SYNE2: variants seen among roughly 807,000 people sequenced by gnomAD.
SYNE2 encodes the protein spectrin repeat containing nuclear envelope protein 2.
SYNE2 carries 431 observed loss-of-function variants against 856.3 expected under a neutral mutation model. The observed-to-expected ratio is 0.50, with a 90% confidence interval of 0.47 to 0.55. SYNE2 has a LOEUF of 0.55. Ranked by LOEUF, SYNE2 falls within the 20% of genes least tolerant of loss-of-function variation. The pLI is 0.00. For missense variants in SYNE2, 8,129 were observed against 8,023.2 expected (o/e 1.01, Z -0.50); for synonymous variants, 2,923 against 2,872.3 (o/e 1.02, Z -0.56).
chr14:64,092,850 G>A (rs1275390401), intron 60 of SYNE2, among the ~76,000 whole-genome samples: 1 of 152,166 alleles, frequency 6.6e-6, no homozygotes, highest in Non-Finnish European at 1.5e-5. Flanking sequence ...CTGATCCCAA[G>A]GGGTACCAGG....
In SYNE2 at chr14:64,002,806, ATT is replaced by A; in HGVS notation, c.3875_3876del (p.Phe1292Ter). 1 of 1,604,356 alleles carries A rather than the reference ATT, an allele frequency of 6.2e-7. No individual in the cohort carries two copies. The highest frequency in any genetic ancestry group is 8.5e-7 in the Non-Finnish European group (1 of 1,175,854). ...ACTTTGTATTAAAGGAGTTACACCC[ATT>A]TGATCTACACGCAATGCAGAATATT... ...GNFVLKELHP[F>X]DLHAMQNIIL... On this transcript the variant is annotated frameshift_variant, in exon 30 of 116. Transcript: ENST00000555002. LOFTEE classifies it high-confidence loss of function.
intron 1 of SYNE2, among the ~76,000 whole-genome samples, chr14:63,812,660 T>A (rs1888658516): frequency 6.6e-6 from 1 of 152,190 alleles, no homozygotes; most frequent in Non-Finnish European, 1.5e-5. Context: ...AAAGTTTTAA[T>A]TTTGGGAACT....
chr14:63,980,797 T>C (rs548297690), intron 15 of SYNE2, 65 bp downstream of exon 15: 1 of 1,261,110 alleles, frequency 7.9e-7, no homozygotes, highest in Non-Finnish European at 1.1e-6. Flanking sequence ...TTATCTGTTG[T>C]GCTTTCTATA....
chr14:64,221,551 G>T (rs551711330), intron 111 of SYNE2, 25 bp from the exon 112 acceptor site: 1 of 1,614,166 alleles, frequency 6.2e-7, no homozygotes, highest in South Asian at 1.1e-5. Flanking sequence ...AGACACGGCC[G>T]CGCTCTGATG....
At chr14:64,165,243 G>A (rs2098367192) in intron 89 of SYNE2, 42 bp from the exon 90 acceptor site, 1 of 1,599,940 alleles carries the variant, frequency 6.3e-7, no homozygotes, top group Middle Eastern at 1.7e-4. Flanking sequence ...TGTTTTATAT[G>A]TACATGAAAA....
intron 1 of SYNE2, among the ~76,000 whole-genome samples, chr14:63,815,432 G>T (rs1208874043): frequency 6.6e-6 from 1 of 151,768 alleles, no homozygotes; most frequent in African/African-American, 2.4e-5. Flanking sequence ...AGGAGGCTAG[G>T]CCAGTCTAGT....
At chr14:64,038,443 G>A (rs540547908) in intron 45 of SYNE2, among the ~76,000 whole-genome samples, 1,451 of 137,102 alleles carry the variant, frequency 0.011, 24 homozygotes, top group African/African-American at 0.036. Context: ...ACGGGGTGGC[G>A]GCTTGGCAGA....
chr14:63,809,624 C>G (rs1325749059), intron 1 of SYNE2, among the ~76,000 whole-genome samples: 1 of 152,162 alleles, frequency 6.6e-6, no homozygotes, highest in Non-Finnish European at 1.5e-5. Flanking sequence ...CTCATCCTCC[C>G]AAGTAGCTGG....
chr14:63,813,997 G>T (rs997148496), intron 1 of SYNE2, among the ~76,000 whole-genome samples: 3 of 152,078 alleles, frequency 2.0e-5, no homozygotes, highest in African/African-American at 4.8e-5. Context: ...GGCAGAGGTT[G>T]CAGTAAGCCG....
rs539689913 is a variant in SYNE2, at chr14:64,144,612, G to C, written c.15483+664G>C. The stretch of plus-strand genomic sequence containing the variant: ...CTGTGTAACATAATGCACTTAATTA[G>C]AAAAAAAATTAATCAGATAAGGACA... On this transcript the variant is annotated intron_variant, in intron 83 of 115. Coordinates refer to ENST00000555002, the MANE Select transcript of SYNE2 (RefSeq NM_182914.3). 2.0e-5 allele frequency among the ~76,000 whole-genome samples: 3 copies of C among 151,898 alleles called. No homozygotes were observed. In the East Asian group the frequency reaches 5.8e-4, roughly 29 times the overall value.
chr14:64,122,101 T>C lies in SYNE2; in HGVS notation c.13248T>C (p.His4416=), dbSNP rs201734656. The part of the protein sequence containing the change: ...AKKMWPQYCQ[H]DNDTTQESSA... The stretch of plus-strand genomic sequence containing the variant: ...AAATGTGGCCCCAGTATTGCCAACA[T>C]GATAACGATACAACTCAGGAATCAT... The change falls in exon 69 of 116, where the codon CAT becomes CAC. Residue 4416 remains histidine (H), a synonymous_variant. Coordinates refer to ENST00000555002, the MANE Select transcript of SYNE2 (RefSeq NM_182914.3). 6.8e-6 allele frequency: 11 copies of C among 1,614,146 alleles called. No homozygotes were observed. In the Admixed American group the frequency reaches 1.2e-4, roughly 17 times the overall value.
chr14:63,835,071 A>G (rs1198928401), intron 1 of SYNE2, among the ~76,000 whole-genome samples: 1 of 152,154 alleles, frequency 6.6e-6, no homozygotes, highest in African/African-American at 2.4e-5. Context: ...TTCAACAACT[A>G]TCTATTGACG....
chr14:64,014,644 G>T (rs1191543723), intron 32 of SYNE2, among the ~76,000 whole-genome samples: 1 of 150,850 alleles, frequency 6.6e-6, no homozygotes, highest in Non-Finnish European at 1.5e-5. Flanking sequence ...GGTCAGGCTG[G>T]TCTCGAACTC....
At chr14:64,137,742 CTTTAT>C in intron 78 of SYNE2, 40 bp from the exon 79 acceptor site, 1 of 1,601,762 alleles carries the variant, frequency 6.2e-7, no homozygotes, top group African/African-American at 1.3e-5. Context: ...GCTTGGCAGA[CTTTAT>C]TTTCTAAATA....
chr14:64,016,518 G>C lies in SYNE2; in HGVS notation c.4774G>C (p.Asp1592His). ...EEFNEHLEVV[D>H]KINQVCKNLQ... ...ATTTAATGAGCATTTAGAAGTTGTA[G>C]ACAAGATAAACCAGGTCTGCAAAAA... Residue 1592 changes from aspartate to histidine, a missense_variant, in exon 33 of 116, where the codon GAC (aspartate) becomes CAC (histidine). Around this residue, in one of 3 missense-constraint regions of SYNE2, gnomAD observed 2,422 missense variants for 2,357.4 expected, o/e 1.03. Transcript: ENST00000555002. 6.2e-7 allele frequency: 1 copy of C among 1,602,102 alleles called. No homozygotes were observed. The highest frequency in any genetic ancestry group is 8.5e-7 in the Non-Finnish European group (1 of 1,173,532).
In SYNE2 at chr14:64,139,962, G is replaced by T; in HGVS notation, c.14865G>T (p.Gln4955His). The change falls in exon 80 of 116, where the codon CAG becomes CAT. Residue 4955 changes from glutamine to histidine, a missense_variant. By Grantham distance (24) the Gln-to-His change is conservative. Around this residue, in one of 3 missense-constraint regions of SYNE2, gnomAD observed 5,410 missense variants for 5,284.8 expected, o/e 1.02. Coordinates refer to ENST00000555002, the MANE Select transcript of SYNE2 (RefSeq NM_182914.3). ...TTAGTTATAACAGAGATTCGGATCA[G>T]TTAACCAAGTGGTTGGAATCTTCCC... ...HLLSYNRDSD[Q>H]LTKWLESSQH... 1 of 1,614,072 alleles carries T rather than the reference G, an allele frequency of 6.2e-7. No homozygotes were observed. Among genetic ancestry groups the T allele is most frequent in the South Asian group, 1.1e-5 (1 of 91,086 alleles).
In SYNE2 at chr14:64,172,784, T is replaced by G. The variant is rs189872302; in HGVS notation, c.17236-2160T>G. ...CTGTCTCTACAAAAAAATTCAAAAT[T>G]TAGCCAGGTGTGGTGGTGCACGCCT... On this transcript the variant is annotated intron_variant, in intron 94 of 115. Coordinates refer to ENST00000555002, the MANE Select transcript of SYNE2 (RefSeq NM_182914.3). 3.3e-5 allele frequency among the ~76,000 whole-genome samples: 5 copies of G among 152,022 alleles called. No individual in the cohort carries two copies. In the East Asian group the frequency reaches 9.7e-4, roughly 29 times the overall value.
rs746673639 is a variant in SYNE2, at chr14:64,052,173, A to G, written c.8260A>G (p.Ile2754Val). 10 of 1,614,052 alleles carry G rather than the reference A, an allele frequency of 6.2e-6. No individual in the cohort carries two copies. The highest frequency in any genetic ancestry group is 8.5e-6 in the Non-Finnish European group (10 of 1,180,042). ...KNLLGELNPS[I>V]PLLPDDILSQ... ...TTTGTTGGGTGAACTTAATCCCTCC[A>G]TTCCCCTTCTCCCAGATGACATTCT... Residue 2754 changes from isoleucine (I) to valine (V), a missense_variant, in exon 48 of 116, where the codon ATT (isoleucine) becomes GTT (valine). Ile to Val is a conservative substitution (Grantham distance 29). This residue lies in a region of SYNE2 where 5,410 missense variants were observed against 5,284.8 expected (regional missense o/e 1.02). Transcript: ENST00000555002.
intron 43 of SYNE2, among the ~76,000 whole-genome samples, chr14:64,028,520 G>C (rs894918976): frequency 6.6e-6 from 1 of 152,090 alleles, no homozygotes; most frequent in Non-Finnish European, 1.5e-5. Flanking sequence ...CTCTGGAATA[G>C]CTTGGATGAC....
Sources: gnomAD v4.1 joint callset for allele counts (sites outside exome capture counted in the v4.1 genomes callset) on GRCh38, gnomAD v4.1.1 for gene constraint, gnomAD v4.1.1 regional missense constraint, MANE v1.5 for transcripts, NCBI Gene and HGNC (gene_info 2026-07-23, HGNC 2026-07-21) for gene names.